Variants in TBC1D8 observed in about 807,000 individuals in gnomAD.
TBC1D8 encodes the protein TBC1 domain family member 8, also known as BUB2-like protein 1.
TBC1D8 carries 65 observed loss-of-function variants against 118.8 expected under a neutral mutation model. That is an observed-to-expected ratio of 0.55 (90% confidence interval 0.45 to 0.67). TBC1D8 has a LOEUF of 0.67. TBC1D8 is among the 30% of genes least tolerant of loss of function. TBC1D8 has a pLI of 0.00. For missense variants in TBC1D8, 1,376 were observed against 1,471.2 expected (o/e 0.94, Z 1.06); for synonymous variants, 566 against 595.8 (o/e 0.95, Z 0.73).
chr2:101,038,664 G>T lies in TBC1D8; in HGVS notation c.1081-9C>A. ...TTCTCGATGCTCACCACCTGCGCGA[G>T]AGGCAACATGCAGGGACAGAAGGGC... is the stretch of plus-strand genomic sequence containing the variant. On this transcript the variant is annotated splice_polypyrimidine_tract_variant and intron_variant, in intron 6 of 19. Transcript: ENST00000409318. The T allele has an allele frequency of 6.2e-7, 1 of 1,613,556 alleles. No individual in the cohort carries two copies.
intron 2 of TBC1D8, among the ~76,000 whole-genome samples, chr2:101,062,177 G>C (rs750412292): frequency 2.6e-5 from 4 of 152,208 alleles, no homozygotes; most frequent in African/African-American, 9.7e-5. Flanking sequence ...TTCCACCCAA[G>C]CTGATAATCT....
intron 1 of TBC1D8, among the ~76,000 whole-genome samples, chr2:101,131,558 T>C (rs898662848): frequency 6.6e-6 from 1 of 152,032 alleles, no homozygotes; most frequent in Non-Finnish European, 1.5e-5. Context: ...CTCACACCTA[T>C]AATCCCAGCA....
rs761057673 is a variant in TBC1D8 at position 101,008,097 on chromosome 2, C to T, written c.3192G>A (p.Arg1064=). The change falls in exon 20 of 20, where the codon CGG becomes CGA. Residue 1064 remains arginine (R), a synonymous_variant. Transcript: ENST00000409318. ...SCSQECGEEL[R]ASAPSPEDSV... ...AGTCCTCAGGAGAAGGAGCTGAAGC[C>T]CGCAGCTCCTCCCCACACTCCTGGG... is the stretch of plus-strand genomic sequence containing the variant. 2.2e-5 allele frequency: 35 copies of T among 1,613,708 alleles called. No homozygotes were observed. The highest frequency in any genetic ancestry group is 2.8e-5 in the Non-Finnish European group (33 of 1,179,790).
chr2:101,079,880 G>C (rs1008131084), intron 2 of TBC1D8, among the ~76,000 whole-genome samples: 2 of 151,814 alleles, frequency 1.3e-5, no homozygotes, highest in Non-Finnish European at 2.9e-5. Context: ...TAGAGACGGG[G>C]TTTCACTGTG....
intron 11 of TBC1D8, 131 bp downstream of exon 11, chr2:101,032,137 C>A (rs560951829): frequency 2.4e-6 from 2 of 822,666 alleles, no homozygotes; most frequent in Non-Finnish European, 3.9e-6. Flanking sequence ...ATTCAGGAGT[C>A]AAACTGTGTT....
chr2:101,079,880 G>A (rs1008131084), intron 2 of TBC1D8, among the ~76,000 whole-genome samples: 1 of 151,814 alleles, frequency 6.6e-6, no homozygotes, highest in Non-Finnish European at 1.5e-5. Context: ...TAGAGACGGG[G>A]TTTCACTGTG....
chr2:101,044,804 T>C (rs1054500942), intron 5 of TBC1D8, among the ~76,000 whole-genome samples: 1 of 152,184 alleles, frequency 6.6e-6, no homozygotes, highest in African/African-American at 2.4e-5. Flanking sequence ...GCTGGAGTGC[T>C]GTGGTGCAAT....
In TBC1D8 at chr2:101,032,335, T is replaced by TTCC. The variant is rs1230475321; in HGVS notation, c.1866_1868dup (p.Glu623dup). ...ACACAGCAACCAACAGCCAGAAGGC[T>TTCC]TCCTCCTCCTTGGTGTACAGCAGCA... is the stretch of plus-strand genomic sequence containing the variant. On this transcript the variant is annotated inframe_insertion, in exon 11 of 20. Transcript: ENST00000409318. The TTCC allele has an allele frequency of 2.5e-6, 4 of 1,613,710 alleles. No individual in the cohort carries two copies. The highest frequency in any genetic ancestry group is 3.4e-6 in the Non-Finnish European group (4 of 1,179,780).
chr2:101,081,109 G>C (rs1422795524), intron 2 of TBC1D8, among the ~76,000 whole-genome samples: 1 of 152,150 alleles, frequency 6.6e-6, no homozygotes, highest in Non-Finnish European at 1.5e-5. Context: ...GCCACATTTT[G>C]ATTTATGAAA....
chr2:101,050,793 T>G (rs1275440020), intron 4 of TBC1D8, among the ~76,000 whole-genome samples, 152 bp from the exon 5 acceptor site: 2 of 152,232 alleles, frequency 1.3e-5, no homozygotes, highest in Non-Finnish European at 2.9e-5. Context: ...GGGATACACG[T>G]GCAGGTTTGC....
chr2:101,101,050 T>C (rs902231399), intron 1 of TBC1D8, among the ~76,000 whole-genome samples: 11 of 152,138 alleles, frequency 7.2e-5, no homozygotes, highest in Non-Finnish European at 1.6e-4. Context: ...ACAGATGTGA[T>C]CTAATTAAAC....
chr2:101,146,698 T>C (rs991245883), intron 1 of TBC1D8, among the ~76,000 whole-genome samples: 5 of 152,226 alleles, frequency 3.3e-5, no homozygotes, highest in Admixed American at 1.3e-4. Flanking sequence ...CATTACCTCA[T>C]GCAATTATCA....
In TBC1D8 at chr2:101,030,348, T is replaced by G. The variant is rs1328021631; in HGVS notation, c.1937-572A>C. 2.0e-5 allele frequency among the ~76,000 whole-genome samples: 3 copies of G among 152,204 alleles called. No homozygotes were observed. In the South Asian group the frequency reaches 6.2e-4, roughly 32 times the overall value. ...TAGTAAGAAGGTAACAACCAACCTT[T>G]TTTAAAGAGGCTAAAGATTTAAACA... On this transcript the variant is annotated intron_variant, in intron 11 of 19. Transcript: ENST00000409318.
In TBC1D8 at chr2:101,090,321, T is replaced by C; in HGVS notation, c.171A>G (p.Ala57=). The C allele has an allele frequency of 6.2e-7, 1 of 1,614,006 alleles. No individual in the cohort carries two copies. The highest frequency in any genetic ancestry group is 8.5e-7 in the Non-Finnish European group (1 of 1,179,882). The change falls in exon 2 of 20, where the codon GCA becomes GCG. Residue 57 remains alanine, a synonymous_variant. Coordinates refer to ENST00000409318, the MANE Select transcript of TBC1D8 (RefSeq NM_001330348.2). ...GALDAVLDSN[A]RVAPFRILLQ... Reference sequence around the variant, plus strand: ...GCAGAATTCGAAATGGAGCGACCCGTGCATTGGAATCCAACACTGCATCCA... The same window carrying C: ...GCAGAATTCGAAATGGAGCGACCCGCGCATTGGAATCCAACACTGCATCCA...
At chr2:101,085,998 T>C (rs2105452150) in intron 2 of TBC1D8, among the ~76,000 whole-genome samples, 1 of 152,048 alleles carries the variant, frequency 6.6e-6, no homozygotes, top group African/African-American at 2.4e-5. Context: ...AAAAATTAGC[T>C]GGGCGTGGTG....
At chr2:101,008,816 A>AG (rs976048220) in intron 19 of TBC1D8, among the ~76,000 whole-genome samples, 5 of 151,968 alleles carry the variant, frequency 3.3e-5, no homozygotes, top group Admixed American at 6.6e-5. Flanking sequence ...TGTCTTAAAA[A>AG]AAAAAAAATG....
intron 2 of TBC1D8, among the ~76,000 whole-genome samples, chr2:101,083,110 T>C (rs530865195): frequency 6.6e-6 from 1 of 152,242 alleles, no homozygotes; most frequent in South Asian, 2.1e-4. Flanking sequence ...ACTGCATGCC[T>C]TACCTTCACT....
chr2:101,075,515 G>A (rs1422380158), intron 2 of TBC1D8, among the ~76,000 whole-genome samples: 1 of 152,146 alleles, frequency 6.6e-6, no homozygotes, highest in African/African-American at 2.4e-5. Flanking sequence ...GAGAGACCAG[G>A]TGGAGGTAAT....
intron 5 of TBC1D8, among the ~76,000 whole-genome samples, chr2:101,046,162 A>AC (rs112003228): frequency 2.5e-3 from 375 of 151,356 alleles, no homozygotes; most frequent in Non-Finnish European, 4.2e-3. Context: ...TTCTTCTGTG[A>AC]CCCCCCCAGG....
Sources: gnomAD v4.1 joint callset for allele counts (sites outside exome capture counted in the v4.1 genomes callset) on GRCh38, gnomAD v4.1.1 for gene constraint, MANE v1.5 for transcripts, NCBI Gene and HGNC (gene_info 2026-07-23, HGNC 2026-07-21) for gene names.